Variants in VPS13A observed in about 807,000 individuals in gnomAD.
The protein encoded by VPS13A is vacuolar protein sorting 13 homolog A.
A neutral mutation model predicts 390.9 loss-of-function variants in VPS13A; 264 were observed. That is an observed-to-expected ratio of 0.68 (90% CI 0.61 to 0.75). The LOEUF (loss-of-function observed/expected upper bound fraction) is 0.75, where lower values mean the gene tolerates loss of function less well. Among genes scored for constraint, VPS13A ranks in the 30% least tolerant of loss-of-function variants. The pLI, the probability that VPS13A is intolerant of heterozygous loss-of-function variation, is 0.00. For synonymous variants in VPS13A, 1,231 were observed against 1,227.1 expected (o/e 1.00, Z -0.07); for missense variants, 3,409 against 3,733.9 (o/e 0.91, Z 2.27).
Position 77,321,650 on chromosome 9 carries a change from G to A in VPS13A, c.5734G>A (p.Gly1912Arg). ...GGCAAAATCATATGTATTGAAAAAT[G>A]GAGAAAGTTTAAGTATGGATTATAT... ...PMAKSYVLKN[G>R]ESLSMDYIRT... The change falls in exon 44 of 72, where the codon GGA (glycine) becomes AGA (arginine). Residue 1912 changes from glycine to arginine, a missense_variant. Physicochemically the swap from Gly to Arg is moderately radical, Grantham distance 125. Transcript: ENST00000360280. The A allele has an allele frequency of 6.2e-7, 1 of 1,613,322 alleles. No homozygotes were observed. The highest frequency in any genetic ancestry group is 8.5e-7 in the Non-Finnish European group (1 of 1,179,556).
chr9:77,227,563 C>A, intron 16 of VPS13A, 78 bp downstream of exon 16: 3 of 1,184,638 alleles, frequency 2.5e-6, no homozygotes, highest in Non-Finnish European at 3.6e-6. Context: ...CACTCTGTTG[C>A]CCAGGCTGGA....
At chr9:77,221,652 T>C (rs1329595458) in intron 13 of VPS13A, among the ~76,000 whole-genome samples, 1 of 152,210 alleles carries the variant, frequency 6.6e-6, no homozygotes, top group Non-Finnish European at 1.5e-5. Context: ...TTTGCTACAT[T>C]GATTCCAACT....
intron 32 of VPS13A, 84 bp downstream of exon 32, chr9:77,293,592 T>C (rs1827800664): frequency 2.5e-6 from 2 of 811,202 alleles, no homozygotes; most frequent in African/African-American, 1.8e-5. Context: ...TAGTAAGAAT[T>C]CCTTGCTTGA....
intron 13 of VPS13A, among the ~76,000 whole-genome samples, chr9:77,221,935 T>C (rs952793213): frequency 4.6e-5 from 7 of 152,162 alleles, no homozygotes; most frequent in African/African-American, 7.2e-5. Flanking sequence ...TTTTGTGGTA[T>C]CTCTAGTCTC....
intron 68 of VPS13A, among the ~76,000 whole-genome samples, chr9:77,400,038 T>C (rs1834303272): frequency 6.6e-6 from 1 of 152,212 alleles, no homozygotes; most frequent in Non-Finnish European, 1.5e-5. Flanking sequence ...ACCCTTTTAA[T>C]GAATATTTAG....
intron 1 of VPS13A, among the ~76,000 whole-genome samples, chr9:77,191,528 G>C (rs1824686541): frequency 6.6e-6 from 1 of 151,734 alleles, no homozygotes; most frequent in Non-Finnish European, 1.5e-5. Flanking sequence ...TGAACTCCTG[G>C]GCTCAAGTGA....
chr9:77,285,813 A>G (rs1827291263), intron 31 of VPS13A, among the ~76,000 whole-genome samples: 1 of 152,204 alleles, frequency 6.6e-6, no homozygotes, highest in South Asian at 2.1e-4. Context: ...AGATCCACAC[A>G]CTGCATTTGA....
rs147326789 is a variant in VPS13A at position 77,195,732 on chromosome 9, G to A, written c.101-4213G>A. 9.9e-5 allele frequency among the ~76,000 whole-genome samples: 15 copies of A among 151,600 alleles called. No homozygotes were observed. The East Asian group carries it at 1.4e-3, about 14-fold the overall frequency. On this transcript the variant is annotated intron_variant, in intron 1 of 71. Coordinates refer to ENST00000360280, the MANE Select transcript of VPS13A (RefSeq NM_033305.3). ...AGCCTGGGCGACACAGCGAGACTCCGTCTCAAAAAAGAAAAAAAAAGAAAA... is the reference window on the plus strand; with the variant it reads ...AGCCTGGGCGACACAGCGAGACTCCATCTCAAAAAAGAAAAAAAAAGAAAA...
chr9:77,292,731 C>G (rs568122615), intron 31 of VPS13A, among the ~76,000 whole-genome samples: 1 of 152,246 alleles, frequency 6.6e-6, no homozygotes, highest in African/African-American at 2.4e-5. Flanking sequence ...GTCCCTCTTC[C>G]AAAATTTTTT....
intron 24 of VPS13A, 65 bp downstream of exon 24, chr9:77,273,429 A>AT: frequency 7.3e-7 from 1 of 1,361,618 alleles, no homozygotes; most frequent in East Asian, 2.5e-5. Context: ...TTTGAGGCAT[A>AT]TTTTTCTCAA....
At chr9:77,221,501 T>C in intron 13 of VPS13A, 145 bp downstream of exon 13, 3 of 831,272 alleles carry the variant, frequency 3.6e-6, no homozygotes, top group Non-Finnish European at 5.6e-6. Context: ...CTTCTGTTCT[T>C]AACTTCAGCT....
rs541454261 is a variant in VPS13A at position 77,248,530 on chromosome 9, T to TTA, written c.2037+1140_2037+1141dup. 2.7e-3 allele frequency among the ~76,000 whole-genome samples: 406 copies of TTA among 152,088 alleles called. 3 individuals carry two copies. Among genetic ancestry groups the TTA allele is most frequent in the Non-Finnish European group, 3.0e-3 (204 of 67,986 alleles). On this transcript the variant is annotated intron_variant, in intron 20 of 71. Coordinates refer to ENST00000360280, the MANE Select transcript of VPS13A (RefSeq NM_033305.3). ...ACCATGCCTGACCCTTTTTTTCTAA[T>TTA]TATATACTTTTTTCTTTCCAAATTT... is the stretch of plus-strand genomic sequence containing the variant.
Position 77,353,511 on chromosome 9 carries a change from T to C in VPS13A, c.7522T>C (p.Phe2508Leu). The C allele has an allele frequency of 6.2e-7, 1 of 1,613,430 alleles. No individual in the cohort carries two copies. The highest frequency in any genetic ancestry group is 1.1e-5 in the South Asian group (1 of 91,060). The change falls in exon 54 of 72, where the codon TTT (phenylalanine) becomes CTT (leucine). Residue 2508 changes from phenylalanine to leucine, a missense_variant. By Grantham distance (22) the Phe-to-Leu change is conservative. Coordinates refer to ENST00000360280, the MANE Select transcript of VPS13A (RefSeq NM_033305.3). ...TTTATTCACTGAAGATCCAAGGGTA[T>C]TTAAAGTAACATATGAAAGTGAGAA... The part of the protein sequence containing the change: ...IILFTEDPRV[F>L]KVTYESEKAE...
At chr9:77,281,742 T>C in intron 27 of VPS13A, 125 bp from the exon 28 acceptor site, 1 of 400,116 alleles carries the variant, frequency 2.5e-6, no homozygotes, top group Non-Finnish European at 4.4e-6. Context: ...TATATGTGTA[T>C]ATATATATAT....
In VPS13A at chr9:77,338,264, AC is replaced by A. The variant is rs911394862; in HGVS notation, c.6378+730del. ...TGGAATTACAGGCATGAGCCAGTAC[AC>A]CCAGCCGTTTACACTTTTCTGATAC... On this transcript the variant is annotated intron_variant, in intron 47 of 71. Coordinates refer to ENST00000360280, the MANE Select transcript of VPS13A (RefSeq NM_033305.3). 2.4e-4 allele frequency: 36 copies of A among 152,220 alleles called. 1 individual carries two copies. Among genetic ancestry groups the A allele is most frequent in the African/African-American group, 8.2e-4 (34 of 41,442 alleles). The allele number at this position is 152,220 out of a possible 1,614,324, so 9.4% of individuals were successfully genotyped here.
In VPS13A at chr9:77,206,047, T is replaced by C. The variant is rs1355494866; in HGVS notation, c.353T>C (p.Ile118Thr). Residue 118 changes from isoleucine (I) to threonine (T), a missense_variant, in exon 5 of 72, where the codon ATA becomes ACA. This residue lies in a region of VPS13A where 2,717 missense variants were observed against 2,917.4 expected (regional missense o/e 0.93). Transcript: ENST00000360280. ...MEAKQQELKR[I>T]EEAKQKVVDQ... ...GCAAAGCAACAGGAACTGAAAAGAATAGAAGAAGCAAAACAAAAAGTAGTT... is the reference window on the plus strand; with the variant it reads ...GCAAAGCAACAGGAACTGAAAAGAACAGAAGAAGCAAAACAAAAAGTAGTT... 4 of 1,582,480 alleles carry C rather than the reference T, an allele frequency of 2.5e-6. No homozygotes were observed. The highest frequency in any genetic ancestry group is 3.4e-6 in the Non-Finnish European group (4 of 1,162,248).
rs1564646283 is a variant in VPS13A at position 77,227,488 on chromosome 9, A to G, written c.1452+3A>G. 3.8e-6 allele frequency: 6 copies of G among 1,594,888 alleles called. No homozygotes were observed. The highest frequency in any genetic ancestry group is 5.2e-6 in the Non-Finnish European group (6 of 1,163,098). On this transcript the variant is annotated splice_donor_region_variant and intron_variant, in intron 16 of 71. Coordinates refer to ENST00000360280, the MANE Select transcript of VPS13A (RefSeq NM_033305.3). ...TTGATCCAACTTTACTAAAAACAGT[A>G]AGATGTTTTCTTGCCTTATACCTTA...
chr9:77,340,054 AT>A, intron 48 of VPS13A, 123 bp from the exon 49 acceptor site: 1 of 1,336,672 alleles, frequency 7.5e-7, no homozygotes, highest in Non-Finnish European at 1.0e-6. Context: ...AGAATTTAAT[AT>A]TATAAAGGTT....
At position 77,302,982 on chromosome 9, in the gene VPS13A, G is replaced by A. The variant is rs1564709856; in HGVS notation, c.3880G>A (p.Val1294Met). The change falls in exon 34 of 72, where the codon GTG (valine) becomes ATG (methionine). Residue 1294 changes from valine to methionine, a missense_variant. By Grantham distance (21) the Val-to-Met change is conservative (BLOSUM62 1). This residue lies in a region of VPS13A where 2,717 missense variants were observed against 2,917.4 expected (regional missense o/e 0.93). Transcript: ENST00000360280. ...DLLLPLNLEV[V>M]VERNLCWEWY... The stretch of plus-strand genomic sequence containing the variant: ...ACTCCTGCCATTAAATCTTGAGGTT[G>A]TGGTTGAACGAAATTTATGCTGGGA... 7.4e-6 allele frequency: 12 copies of A among 1,614,018 alleles called. No individual in the cohort carries two copies. The highest frequency in any genetic ancestry group is 1.0e-5 in the Non-Finnish European group (12 of 1,179,968).
Sources: gnomAD v4.1 joint callset for allele counts (sites outside exome capture counted in the v4.1 genomes callset) on GRCh38, gnomAD v4.1.1 for gene constraint, gnomAD v4.1.1 regional missense constraint, MANE v1.5 for transcripts, NCBI Gene and HGNC (gene_info 2026-07-23, HGNC 2026-07-21) for gene names.